Variants in SAAL1 observed in about 807,000 individuals in gnomAD.
SAAL1 encodes the protein protein SAAL1.
Under a neutral mutation model 59.8 loss-of-function variants are expected in SAAL1, and 42 were observed. That is an observed-to-expected ratio of 0.70 (90% CI 0.55 to 0.91). The LOEUF (loss-of-function observed/expected upper bound fraction) is 0.91. SAAL1 is among the 40% of genes least tolerant of loss of function. The probability of loss-of-function intolerance (pLI) is 0.00; values close to 1 mark genes in which losing one functional copy is unlikely to be tolerated. For missense variants in SAAL1, 542 were observed against 561.1 expected, an observed-to-expected ratio of 0.97 and a Z score of 0.34; for synonymous variants, 191 against 194.3, an observed-to-expected ratio of 0.98 and a Z score of 0.14.
chr11:18,104,454 T>TC (rs1177529435), intron 1 of SAAL1, among the ~76,000 whole-genome samples: 1 of 151,432 alleles, frequency 6.6e-6, no homozygotes, highest in Admixed American at 6.6e-5. Context: ...TTTTTTTTTT[T>TC]AACTTTTAGG....
intron 3 of SAAL1, among the ~76,000 whole-genome samples, chr11:18,094,161 T>A (rs910919570): frequency 1.3e-5 from 2 of 152,100 alleles, no homozygotes; most frequent in African/African-American, 2.4e-5. Context: ...CAGGTGACTT[T>A]TATGATTAGA....
intron 2 of SAAL1, 102 bp downstream of exon 2, chr11:18,103,131 G>A: frequency 1.3e-6 from 1 of 788,690 alleles, no homozygotes; most frequent in Non-Finnish European, 2.2e-6. Flanking sequence ...ACAGACAGGA[G>A]ATAAAGCCTT....
At position 18,105,990 on chromosome 11, in the gene SAAL1, C is replaced by A; in HGVS notation, c.52G>T (p.Glu18Ter). 6.2e-7 allele frequency: 1 copy of A among 1,609,904 alleles called. No individual in the cohort carries two copies. ...ATGCAGTCTCCACCGGCCACCTCCT[C>A]CTCCTCCTCCTTGTCGCGACCCGGC... ...PPPGRDKEEEEEVAGGDCIGS... is the reference protein window; with the variant it reads ...PPPGRDKEEE The change falls in exon 1 of 12, where the codon GAG (glutamate) becomes TAG (stop). Residue 18 changes from glutamate (E) to a stop codon, truncating the protein, a stop_gained. Coordinates refer to ENST00000524803, the MANE Select transcript of SAAL1 (RefSeq NM_138421.3). LOFTEE classifies it high-confidence loss of function.
At chr11:18,092,156 T>A in intron 4 of SAAL1, 89 bp downstream of exon 4, 1 of 679,386 alleles carries the variant, frequency 1.5e-6, no homozygotes. Context: ...AGGACTGTCT[T>A]TCAGATTTGC....
chr11:18,098,779 GTGGGCAATTCTT>G (rs1434217901), intron 2 of SAAL1, among the ~76,000 whole-genome samples: 6 of 152,258 alleles, frequency 3.9e-5, no homozygotes, highest in African/African-American at 1.2e-4. Context: ...AAGCTGTCCT[GTGGGCAATTCTT>G]TGCCACATGC....
intron 10 of SAAL1, chr11:18,083,130 TAAA>T (rs1440638713): frequency 6.5e-6 from 1 of 153,210 alleles, no homozygotes; most frequent in Non-Finnish European, 1.5e-5. Flanking sequence ...GAATGTTCCT[TAAA>T]AGAAGTTTGC....
At chr11:18,102,110 A>G (rs1020831525) in intron 2 of SAAL1, among the ~76,000 whole-genome samples, 1 of 152,148 alleles carries the variant, frequency 6.6e-6, no homozygotes, top group African/African-American at 2.4e-5. Context: ...CACATCCGTC[A>G]AAGTTTATTG....
chr11:18,106,036 G>A lies in SAAL1; in HGVS notation c.6C>T (p.Asp2=), dbSNP rs752976366. 4 of 1,603,146 alleles carry A rather than the reference G, an allele frequency of 2.5e-6. No individual in the cohort carries two copies. In the African/African-American group the frequency reaches 4.0e-5, roughly 16 times the overall value. M[D]RNPSPPPPGR... is the part of the protein sequence containing the mutation. ...CCGGCGGCGGCGGCGAGGGGTTGCG[G>A]TCCATGACTTTGTCGCGTCCCGCGC... Residue 2 remains aspartate, a synonymous_variant, in exon 1 of 12, where the codon GAC becomes GAT. Transcript: ENST00000524803.
chr11:18,081,679 C>T (rs1290698524), intron 10 of SAAL1, 176 bp from the exon 11 acceptor site: 5 of 586,130 alleles, frequency 8.5e-6, no homozygotes, highest in Middle Eastern at 4.4e-4. Context: ...TCTCCACTGT[C>T]GTCTTTACTT....
intron 2 of SAAL1, among the ~76,000 whole-genome samples, chr11:18,098,666 A>G (rs911168910): frequency 6.6e-6 from 1 of 152,240 alleles, no homozygotes; most frequent in Non-Finnish European, 1.5e-5. Flanking sequence ...TGAGAGAGAC[A>G]CACTCTACTT....
At chr11:18,103,729 TG>T (rs888080625) in intron 1 of SAAL1, among the ~76,000 whole-genome samples, 2 of 152,216 alleles carry the variant, frequency 1.3e-5, no homozygotes, top group African/African-American at 4.8e-5. Flanking sequence ...CCAGAGCAAG[TG>T]GGTTGGGAAA....
intron 9 of SAAL1, among the ~76,000 whole-genome samples, chr11:18,084,009 T>C (rs991473329): frequency 6.6e-6 from 1 of 152,014 alleles, no homozygotes; most frequent in Non-Finnish European, 1.5e-5. Context: ...TAACATTGAG[T>C]TGAGAACTAA....
intron 9 of SAAL1, among the ~76,000 whole-genome samples, chr11:18,086,220 T>C (rs536830960): frequency 6.6e-6 from 1 of 151,750 alleles, no homozygotes; most frequent in Admixed American, 6.6e-5. Flanking sequence ...CTGGGCAAGA[T>C]TGTGAGACCC....
At chr11:18,092,615 A>G (rs1848533767) in intron 3 of SAAL1, among the ~76,000 whole-genome samples, 1 of 152,218 alleles carries the variant, frequency 6.6e-6, no homozygotes, top group African/African-American at 2.4e-5. Context: ...TGCAAACAAA[A>G]AGACAGACAT....
chr11:18,094,669 G>A (rs986707686), intron 3 of SAAL1, among the ~76,000 whole-genome samples: 1 of 152,030 alleles, frequency 6.6e-6, no homozygotes, highest in Admixed American at 6.6e-5. Context: ...AAAAAAGGAA[G>A]AAAGAAAAAA....
At chr11:18,099,947 A>G (rs1413061552) in intron 2 of SAAL1, among the ~76,000 whole-genome samples, 1 of 152,192 alleles carries the variant, frequency 6.6e-6, no homozygotes, top group Non-Finnish European at 1.5e-5. Context: ...TGGAGAGCTC[A>G]GTTCTGAGTG....
At chr11:18,086,310 G>A (rs934379236) in intron 9 of SAAL1, among the ~76,000 whole-genome samples, 1 of 152,166 alleles carries the variant, frequency 6.6e-6, no homozygotes, top group East Asian at 1.9e-4. Context: ...GCTGAGGTGA[G>A]ACAATCACCT....
At chr11:18,093,396 T>G (rs1024782940) in intron 3 of SAAL1, among the ~76,000 whole-genome samples, 2 of 152,108 alleles carry the variant, frequency 1.3e-5, no homozygotes, top group African/African-American at 4.8e-5. Flanking sequence ...AAAAGGAAAT[T>G]TGTGCATATT....
intron 1 of SAAL1, among the ~76,000 whole-genome samples, chr11:18,104,598 C>T (rs1848669074): frequency 6.6e-6 from 1 of 152,042 alleles, no homozygotes. Context: ...GATGGGGAAC[C>T]TTCCCTTAGG....
Sources: gnomAD v4.1 joint callset for allele counts (sites outside exome capture counted in the v4.1 genomes callset) on GRCh38, gnomAD v4.1.1 for gene constraint, MANE v1.5 for transcripts, NCBI Gene and HGNC (gene_info 2026-07-23, HGNC 2026-07-21) for gene names.